The following SLC9A9 variants were observed in gnomAD, a reference collection of about 807,000 sequenced individuals.
SLC9A9 encodes solute carrier family 9 member A9, also known as sodium/hydrogen exchanger 9.
Under a neutral mutation model 77.8 loss-of-function variants are expected in SLC9A9, and 62 were observed. That is an observed-to-expected ratio of 0.80 (90% CI 0.65 to 0.98). The LOEUF (loss-of-function observed/expected upper bound fraction) is 0.98. Among genes scored for constraint, SLC9A9 ranks in the 50% least tolerant of loss-of-function variants. The probability of loss-of-function intolerance (pLI) is 0.00; values close to 1 mark genes in which losing one functional copy is unlikely to be tolerated. For synonymous variants in SLC9A9, 320 were observed against 283.5 expected, an observed-to-expected ratio of 1.13 and a Z score of -1.29; for missense variants, 775 against 774.9, an observed-to-expected ratio of 1.00 and a Z score of 0.00.
At chr3:143,815,132 A>G (rs1419513070) in intron 2 of SLC9A9, among the ~76,000 whole-genome samples, 2 of 152,230 alleles carry the variant, frequency 1.3e-5, no homozygotes, top group Non-Finnish European at 2.9e-5. Context: ...TAAAAAAATT[A>G]AAGAAGTGAT....
At chr3:143,623,567 G>C (rs915036499) in intron 6 of SLC9A9, among the ~76,000 whole-genome samples, 2 of 152,066 alleles carry the variant, frequency 1.3e-5, no homozygotes, top group Admixed American at 1.3e-4. Context: ...TGAAACCAAC[G>C]AGAACAAAGA....
chr3:143,678,174 G>A (rs1333968602), intron 5 of SLC9A9, among the ~76,000 whole-genome samples: 1 of 152,122 alleles, frequency 6.6e-6, no homozygotes, highest in African/African-American at 2.4e-5. Context: ...CTTCCAGATT[G>A]TCATTTTAAA....
At chr3:143,505,629 C>G (rs1015868948) in intron 9 of SLC9A9, among the ~76,000 whole-genome samples, 3 of 152,190 alleles carry the variant, frequency 2.0e-5, no homozygotes, top group African/African-American at 7.2e-5. Context: ...CCAGCCCTCT[C>G]CTGTCTCGTA....
At chr3:143,585,725 CTGGGTGGG>C (rs1431649985) in intron 6 of SLC9A9, among the ~76,000 whole-genome samples, 70 of 152,200 alleles carry the variant, frequency 4.6e-4, no homozygotes, top group Non-Finnish European at 9.8e-4. Flanking sequence ...GAACACTGGG[CTGGGTGGG>C]CTTACCCCAC....
chr3:143,544,115 T>G (rs2036742243), intron 9 of SLC9A9, among the ~76,000 whole-genome samples: 1 of 152,276 alleles, frequency 6.6e-6, no homozygotes, highest in Admixed American at 6.5e-5. Context: ...ACTTCTCTGA[T>G]AATTAGTGAT....
intron 8 of SLC9A9, among the ~76,000 whole-genome samples, chr3:143,568,054 A>G (rs974546869): frequency 6.6e-6 from 1 of 152,198 alleles, no homozygotes; most frequent in Non-Finnish European, 1.5e-5. Context: ...TAATAAAAAC[A>G]GACTCTGGCT....
chr3:143,770,194 T>G (rs2007467202), intron 4 of SLC9A9, among the ~76,000 whole-genome samples: 1 of 151,944 alleles, frequency 6.6e-6, no homozygotes, highest in African/African-American at 2.4e-5. Flanking sequence ...AACAGGTAAA[T>G]CCTAACTGAA....
intron 6 of SLC9A9, among the ~76,000 whole-genome samples, chr3:143,609,388 T>G (rs2037981194): frequency 6.6e-6 from 1 of 152,216 alleles, no homozygotes; most frequent in Non-Finnish European, 1.5e-5. Context: ...TAGAATAGGA[T>G]AGCCTAGAAT....
At chr3:143,532,694 G>A (rs2036530313) in intron 9 of SLC9A9, among the ~76,000 whole-genome samples, 1 of 152,082 alleles carries the variant, frequency 6.6e-6, no homozygotes, top group African/African-American at 2.4e-5. Flanking sequence ...TAGCCGACAT[G>A]GGCTAGTTTG....
At chr3:143,555,593 GC>G (rs2036966111) in intron 8 of SLC9A9, among the ~76,000 whole-genome samples, 1 of 152,160 alleles carries the variant, frequency 6.6e-6, no homozygotes, top group African/African-American at 2.4e-5. Flanking sequence ...GCATCCCTGT[GC>G]TTTTCTGCCT....
chr3:143,659,090 C>T (rs62269855), intron 5 of SLC9A9, among the ~76,000 whole-genome samples: 10,871 of 152,244 alleles, frequency 0.071, 393 homozygotes, highest in East Asian at 0.11. Flanking sequence ...ATCTGAGTGA[C>T]GATGACTCAC....
At chr3:143,372,216 C>A (rs954986396) in intron 13 of SLC9A9, among the ~76,000 whole-genome samples, 1 of 152,138 alleles carries the variant, frequency 6.6e-6, no homozygotes, top group Admixed American at 6.5e-5. Flanking sequence ...AAAAACAATT[C>A]TAAAATTCAT....
At chr3:143,411,150 C>T (rs767684543) in intron 12 of SLC9A9, among the ~76,000 whole-genome samples, 17 of 152,118 alleles carry the variant, frequency 1.1e-4, no homozygotes, top group Non-Finnish European at 2.5e-4. Flanking sequence ...TCTCTACATT[C>T]TAGTGTTTTA....
intron 9 of SLC9A9, among the ~76,000 whole-genome samples, chr3:143,526,779 C>G (rs1013305698): frequency 6.6e-6 from 1 of 152,192 alleles, no homozygotes; most frequent in Non-Finnish European, 1.5e-5. Context: ...TTAATGTAGA[C>G]AGTCTTTGAA....
At chr3:143,653,066 A>G (rs2038827455) in intron 5 of SLC9A9, among the ~76,000 whole-genome samples, 1 of 152,208 alleles carries the variant, frequency 6.6e-6, no homozygotes, top group Non-Finnish European at 1.5e-5. Flanking sequence ...GTGAATGAAT[A>G]AATGAATAAA....
At chr3:143,813,378 C>A (rs2008921098) in intron 2 of SLC9A9, among the ~76,000 whole-genome samples, 1 of 152,098 alleles carries the variant, frequency 6.6e-6, no homozygotes, top group Non-Finnish European at 1.5e-5. Flanking sequence ...GGCTTTAACC[C>A]CCTGATCCTG....
intron 5 of SLC9A9, among the ~76,000 whole-genome samples, chr3:143,661,417 T>C (rs562676961): frequency 1.3e-5 from 2 of 152,186 alleles, no homozygotes; most frequent in South Asian, 2.1e-4. Context: ...TTCCTCAGGA[T>C]TTCTCCCTGG....
chr3:143,832,974 T>C (rs2009475172), intron 1 of SLC9A9, among the ~76,000 whole-genome samples: 1 of 152,176 alleles, frequency 6.6e-6, no homozygotes, highest in African/African-American at 2.4e-5. Flanking sequence ...AAATGCATTC[T>C]AATGACACCA....
At position 143,832,223 on chromosome 3, in the gene SLC9A9, T is replaced by A; in HGVS notation, c.176-2A>T. The A allele has an allele frequency of 2.1e-6, 3 of 1,421,852 alleles. No homozygotes were observed. The highest frequency in any genetic ancestry group is 1.9e-6 in the Non-Finnish European group (2 of 1,041,892). 88.1% of individuals were successfully genotyped at this position (1,421,852 alleles called of 1,614,324 possible). On this transcript the variant is annotated splice_acceptor_variant, in intron 1 of 15. Transcript: ENST00000316549. LOFTEE classifies it high-confidence loss of function. ...GTAAAATTAGTCCCATTATAAGGCC[T>A]AAAAAAAAAAGAATAAATAATGGTA...
Sources: allele counts gnomAD v4.1 joint callset (sites outside exome capture counted in the v4.1 genomes callset), GRCh38; gene constraint gnomAD v4.1.1; transcripts MANE v1.5; gene names NCBI Gene and HGNC (gene_info 2026-07-23, HGNC 2026-07-21).